Variants in GNAO1 observed in about 807,000 individuals in gnomAD.
The protein encoded by GNAO1 is G protein subunit alpha o1.
For synonymous variants in GNAO1, 164 were observed against 180.7 expected, an observed-to-expected ratio of 0.91 and a Z score of 0.74; for missense variants, 166 against 478.7, an observed-to-expected ratio of 0.35 and a Z score of 6.10.
chr16:56,280,637 G>GC (rs2037105097), intron 3 of GNAO1, among the ~76,000 whole-genome samples: 1 of 152,188 alleles, frequency 6.6e-6, no homozygotes, highest in African/African-American at 2.4e-5. Context: ...AGAAGCTGCA[G>GC]CAACAGACCA....
chr16:56,212,248 G>A (rs2036395806), intron 2 of GNAO1, among the ~76,000 whole-genome samples: 1 of 152,224 alleles, frequency 6.6e-6, no homozygotes, highest in Admixed American at 6.5e-5. Context: ...AAAAGTAATT[G>A]AATGCCATAC....
chr16:56,313,409 A>T (rs1159950760), intron 3 of GNAO1, among the ~76,000 whole-genome samples: 1 of 152,192 alleles, frequency 6.6e-6, no homozygotes, highest in African/African-American at 2.4e-5. Context: ...ATTACACATT[A>T]ATATAAATAA....
chr16:56,289,728 T>C (rs2037211539), intron 3 of GNAO1, among the ~76,000 whole-genome samples: 1 of 152,154 alleles, frequency 6.6e-6, no homozygotes, highest in South Asian at 2.1e-4. Context: ...GGCAGCTGGC[T>C]GACAGCACTG....
At chr16:56,299,389 ACT>A (rs1188633804) in intron 3 of GNAO1, among the ~76,000 whole-genome samples, 4 of 152,122 alleles carry the variant, frequency 2.6e-5, no homozygotes, top group Non-Finnish European at 5.9e-5. Context: ...GCTGCGTCTA[ACT>A]CTCTCAAATA....
intron 2 of GNAO1, among the ~76,000 whole-genome samples, chr16:56,206,655 TA>T (rs1463470106): frequency 1.3e-5 from 2 of 152,192 alleles, no homozygotes; most frequent in Non-Finnish European, 2.9e-5. Flanking sequence ...ACTGTATACC[TA>T]AAAAGGGTGA....
rs557613638 is a variant in GNAO1 at position 56,289,037 on chromosome 16, G to C, written c.303+12965G>C. Among the ~76,000 whole-genome samples the C allele has an allele frequency of 1.1e-3, 165 of 151,826 alleles. 1 individual carries two copies. The East Asian group carries it at 0.028, about 26-fold the overall frequency. The stretch of plus-strand genomic sequence containing the variant: ...TTCTTCCTTTGTATCCAAAAAAGGG[G>C]GGGGGAGCGGAAAAAAGAGAAAAAA... On this transcript the variant is annotated intron_variant, in intron 3 of 8. Coordinates refer to ENST00000262493, the MANE Select transcript of GNAO1 (RefSeq NM_020988.3).
At chr16:56,198,252 A>T (rs1269105152) in intron 2 of GNAO1, among the ~76,000 whole-genome samples, 6 of 152,220 alleles carry the variant, frequency 3.9e-5, no homozygotes, top group African/African-American at 1.4e-4. Flanking sequence ...AAGCTTGAAG[A>T]TGCTCAAATG....
At chr16:56,200,240 C>T (rs1423843368) in intron 2 of GNAO1, among the ~76,000 whole-genome samples, 1 of 152,188 alleles carries the variant, frequency 6.6e-6, no homozygotes, top group Non-Finnish European at 1.5e-5. Context: ...CCCACCAGGG[C>T]TCCCTGAAGC....
intron 2 of GNAO1, among the ~76,000 whole-genome samples, chr16:56,250,447 G>A (rs1200512217): frequency 6.6e-6 from 1 of 152,230 alleles, no homozygotes; most frequent in East Asian, 1.9e-4. Flanking sequence ...CCTCAGCTTA[G>A]TCCCTGTGCT....
At chr16:56,345,310 G>A in intron 6 of GNAO1, 2 of 985,488 alleles carry the variant, frequency 2.0e-6, no homozygotes, top group Non-Finnish European at 2.4e-6. Context: ...TGGGAGGGAG[G>A]AGGGTACCCA....
In GNAO1 at chr16:56,250,221, T is replaced by C. The variant is rs1170227221; in HGVS notation, c.162-25710T>C. Among the ~76,000 whole-genome samples, 6 of 152,260 alleles carry C rather than the reference T, an allele frequency of 3.9e-5. No individual in the cohort carries two copies. The East Asian group carries it at 1.2e-3, about 29-fold the overall frequency. On this transcript the variant is annotated intron_variant, in intron 2 of 8. Transcript: ENST00000262493. The stretch of plus-strand genomic sequence containing the variant: ...GAGTTGTATACAGTGTGGCATGGAA[T>C]GAAGGCCAGAAAGAAACCGTAATTG...
At position 56,227,815 on chromosome 16, in the gene GNAO1, A is replaced by G. The variant is rs373706772; in HGVS notation, c.161+35199A>G. Among the ~76,000 whole-genome samples, 4 of 152,092 alleles carry G rather than the reference A, an allele frequency of 2.6e-5. No individual in the cohort carries two copies. In the East Asian group the frequency reaches 5.8e-4, roughly 22 times the overall value. On this transcript the variant is annotated intron_variant, in intron 2 of 8. Coordinates refer to ENST00000262493, the MANE Select transcript of GNAO1 (RefSeq NM_020988.3). ...TGGTATTATTGTTGTTATTTTGCTA[A>G]CATAATGAGGCTCGGAGGCATGGTT...
At position 56,343,487 on chromosome 16, in the gene GNAO1, C is replaced by CA. The variant is rs5817055; in HGVS notation, c.723+6643dup. On this transcript the variant is annotated intron_variant, in intron 6 of 8. Transcript: ENST00000262493. ...TGAGCAACAGAGCAAGACCCTATCT[C>CA]AAAAAAAAAAAAAAAAGATAAATAC... Among the ~76,000 whole-genome samples the CA allele has an allele frequency of 0.41, 55,009 of 134,184 alleles. 11,587 individuals are homozygous for CA. Among genetic ancestry groups the CA allele is most frequent in the East Asian group, 0.64 (2,954 of 4,646 alleles). 88.0% of individuals were successfully genotyped at this position (134,184 alleles called of 152,430 possible).
At chr16:56,347,342 G>T in intron 6 of GNAO1, 1 of 985,526 alleles carries the variant, frequency 1.0e-6, no homozygotes, top group Non-Finnish European at 1.2e-6. Context: ...GGCAGTTCCT[G>T]CTGTCAGGCC....
intron 6 of GNAO1, chr16:56,340,757 C>A: frequency 7.6e-7 from 1 of 1,314,708 alleles, no homozygotes; most frequent in South Asian, 1.3e-5. Context: ...CTTTGCTTGT[C>A]CCGCTGTGTC....
At chr16:56,193,271 A>G (rs892271704) in intron 2 of GNAO1, 5 of 152,784 alleles carry the variant, frequency 3.3e-5, no homozygotes, top group African/African-American at 1.2e-4. Flanking sequence ...TGGGTTTCCA[A>G]ACGTAGGTGA....
intron 2 of GNAO1, among the ~76,000 whole-genome samples, chr16:56,217,691 A>G (rs1304908542): frequency 2.6e-5 from 4 of 152,204 alleles, no homozygotes; most frequent in Admixed American, 6.5e-5. Flanking sequence ...TGAGTTAGGT[A>G]TTATGACTCC....
chr16:56,287,911 AC>A (rs1436731022), intron 3 of GNAO1, among the ~76,000 whole-genome samples: 1 of 152,154 alleles, frequency 6.6e-6, no homozygotes, highest in Admixed American at 6.5e-5. Context: ...ACACTGTGTG[AC>A]TGAGAAACAC....
intron 3 of GNAO1, among the ~76,000 whole-genome samples, chr16:56,299,788 A>C (rs1378415832): frequency 1.3e-5 from 2 of 152,176 alleles, no homozygotes; most frequent in Admixed American, 6.5e-5. Context: ...CATCTTCAGG[A>C]GGATGGAAAT....
Sources: gnomAD v4.1 joint callset for allele counts (sites outside exome capture counted in the v4.1 genomes callset) on GRCh38, gnomAD v4.1.1 for gene constraint, MANE v1.5 for transcripts, NCBI Gene and HGNC (gene_info 2026-07-23, HGNC 2026-07-21) for gene names.